DENND2B: variants seen among roughly 807,000 people sequenced by gnomAD.
DENND2B encodes DENN domain-containing protein 2B.
A neutral mutation model predicts 116.0 loss-of-function variants in DENND2B; 32 were observed. That is an observed-to-expected ratio of 0.28 (90% CI 0.21 to 0.37). The LOEUF is 0.37. DENND2B is among the 10% of genes least tolerant of loss of function. DENND2B has a pLI of 1.00. For synonymous variants in DENND2B, 588 were observed against 583.9 expected, an observed-to-expected ratio of 1.01 and a Z score of -0.10; for missense variants, 1,276 against 1,477.7, an observed-to-expected ratio of 0.86 and a Z score of 2.24.
chr11:8,722,155 C>A (rs2046298898), intron 4 of DENND2B, among the ~76,000 whole-genome samples: 1 of 152,214 alleles, frequency 6.6e-6, no homozygotes, highest in Non-Finnish European at 1.5e-5. Flanking sequence ...GCAAGGTAAA[C>A]CTCAGTATGT....
At chr11:8,752,961 G>A (rs1010160442) in intron 1 of DENND2B, among the ~76,000 whole-genome samples, 1 of 152,208 alleles carries the variant, frequency 6.6e-6, no homozygotes, top group Non-Finnish European at 1.5e-5. Flanking sequence ...TTTGGGCCAG[G>A]TGTGGTGGCT....
At chr11:8,842,430 T>C (rs1236195300) in intron 3 of DENND2B, among the ~76,000 whole-genome samples, 1 of 152,182 alleles carries the variant, frequency 6.6e-6, no homozygotes, top group Non-Finnish European at 1.5e-5. Context: ...TCTGGAGTTA[T>C]GAATTATTAG....
Position 8,730,437 on chromosome 11 carries a change from T to G in DENND2B, c.853A>C (p.Ile285Leu). The G allele has an allele frequency of 6.2e-7, 1 of 1,609,714 alleles. No individual in the cohort carries two copies. The highest frequency in any genetic ancestry group is 8.5e-7 in the Non-Finnish European group (1 of 1,179,990). Residue 285 changes from isoleucine (I) to leucine (L), a missense_variant, in exon 3 of 20, where the codon ATC (isoleucine) becomes CTC (leucine). Ile to Leu is a conservative substitution (Grantham distance 5). Around this residue, in one of 2 missense-constraint regions of DENND2B, gnomAD observed 856 missense variants for 846.6 expected, o/e 1.01. Transcript: ENST00000313726. This position sits in a 1 kb window ranked among gnomAD's most constrained non-coding sequence, Gnocchi z 4.1. ...TTCAGGACCTGTTCAATTTTCTGGA[T>G]CCGGCTCAGCACTGCTGAGCTCTCC... is the stretch of plus-strand genomic sequence containing the variant. ...RKESSAVLSRIQKIEQVLKEQ... is the reference protein window; with the variant it reads ...RKESSAVLSRLQKIEQVLKEQ...
upstream of DENND2B, among the ~76,000 whole-genome samples, chr11:8,876,294 C>T (rs1185558312): frequency 6.6e-6 from 1 of 152,016 alleles, no homozygotes; most frequent in East Asian, 1.9e-4. Context: ...TCAAGTATTA[C>T]TGAGGTTTTA....
chr11:8,825,019 T>C (rs2061924585), intron 4 of DENND2B, among the ~76,000 whole-genome samples: 1 of 152,206 alleles, frequency 6.6e-6, no homozygotes, highest in South Asian at 2.1e-4. Flanking sequence ...AAATCATTTA[T>C]ATTCCTTTGG....
At chr11:8,762,137 A>T (rs1294912047) in intron 1 of DENND2B, among the ~76,000 whole-genome samples, 1 of 152,168 alleles carries the variant, frequency 6.6e-6, no homozygotes, top group Non-Finnish European at 1.5e-5. Context: ...AAACTCTCAA[A>T]ACCATAGCTC....
intron 1 of DENND2B, among the ~76,000 whole-genome samples, chr11:8,898,547 A>G (rs2064129203): frequency 6.6e-6 from 1 of 152,216 alleles, no homozygotes; most frequent in African/African-American, 2.4e-5. Context: ...AGGGATGGAA[A>G]TCAGAATCTG....
At chr11:8,876,890 A>AAAAG (rs1227722374) in intron 2 of DENND2B, among the ~76,000 whole-genome samples, 1 of 151,482 alleles carries the variant, frequency 6.6e-6, no homozygotes, top group Non-Finnish European at 1.5e-5. Context: ...AAAAAAAAAA[A>AAAAG]AAAGAAAGAA....
At chr11:8,810,140 A>G (rs2061264733) in intron 1 of DENND2B, 1 of 152,004 alleles carries the variant, frequency 6.6e-6, no homozygotes, top group Admixed American at 6.6e-5. Context: ...AAGCGGCTCA[A>G]AAGGCACTGG....
At chr11:8,797,271 C>T (rs1461009780) in intron 1 of DENND2B, among the ~76,000 whole-genome samples, 2 of 152,162 alleles carry the variant, frequency 1.3e-5, no homozygotes, top group Non-Finnish European at 2.9e-5. Flanking sequence ...GTAAACATTA[C>T]ACTAATGTCT....
chr11:8,866,945 G>A lies in DENND2B; in HGVS notation c.-250+4009C>T, dbSNP rs2063601312. On this transcript the variant is annotated intron_variant, in intron 2 of 6. Coordinates refer to the DENND2B transcript ENST00000524757. The stretch of plus-strand genomic sequence containing the variant: ...GGCTCTTAAAGGTAAAAATGGGTGT[G>A]GAGAACCGAGATCATATTTTGATTT... 2.6e-5 allele frequency among the ~76,000 whole-genome samples: 4 copies of A among 152,234 alleles called. No homozygotes were observed. The South Asian group carries it at 8.3e-4, about 32-fold the overall frequency.
At chr11:8,814,761 T>A (rs925347676), upstream of DENND2B, among the ~76,000 whole-genome samples, 1 of 152,238 alleles carries the variant, frequency 6.6e-6, no homozygotes, top group Non-Finnish European at 1.5e-5. Context: ...TCCCTGCACT[T>A]TGTGCAGGGC....
chr11:8,747,812 C>G lies in DENND2B; in HGVS notation c.80+2809G>C, dbSNP rs75410285. Among the ~76,000 whole-genome samples, 740 of 152,268 alleles carry G rather than the reference C, an allele frequency of 4.9e-3. 1 individual carries two copies. The highest frequency in any genetic ancestry group is 8.5e-3 in the Non-Finnish European group (579 of 67,996). ...TTAGATTTTCCCCTCCTACACATTC[C>G]TGCCAAATCAAGACTAAGCTGCAAA... On this transcript the variant is annotated intron_variant, in intron 2 of 19. Transcript: ENST00000313726.
intron 4 of DENND2B, among the ~76,000 whole-genome samples, chr11:8,822,909 A>AGAATATAT (rs1304918541): frequency 1.3e-4 from 20 of 152,246 alleles, no homozygotes; most frequent in African/African-American, 4.6e-4. Context: ...ACTCCAGAAA[A>AGAATATAT]GAATATATAA....
At chr11:8,726,238 C>A in intron 3 of DENND2B, 29 bp from the exon 4 acceptor site, 1 of 1,585,700 alleles carries the variant, frequency 6.3e-7, no homozygotes, top group Non-Finnish European at 8.6e-7. Context: ...AGAGTCATTC[C>A]TGCTGAATCA....
In DENND2B at chr11:8,838,284, GAA is replaced by G. The variant is rs2062505543; in HGVS notation, c.-115+1024_-115+1025del. 3.3e-5 allele frequency among the ~76,000 whole-genome samples: 5 copies of G among 152,054 alleles called. No individual in the cohort carries two copies. The South Asian group carries it at 1.0e-3, about 32-fold the overall frequency. On this transcript the variant is annotated intron_variant, in intron 4 of 6. Coordinates refer to the DENND2B transcript ENST00000524757. ...CACAGAGTCCTGTCTTCTTCACCATGAAATAAGTTCCCCTCTAACAAAAGGAA... is the reference window on the plus strand; with the variant it reads ...CACAGAGTCCTGTCTTCTTCACCATGATAAGTTCCCCTCTAACAAAAGGAA...
chr11:8,891,296 G>A (rs185587457), intron 1 of DENND2B, among the ~76,000 whole-genome samples: 1 of 152,332 alleles, frequency 6.6e-6, no homozygotes, highest in African/African-American at 2.4e-5. Flanking sequence ...ATGCCAAATT[G>A]TAAAGACCAT....
intron 1 of DENND2B, among the ~76,000 whole-genome samples, chr11:8,800,556 T>C (rs1342285885): frequency 1.3e-5 from 2 of 152,194 alleles, no homozygotes; most frequent in East Asian, 1.9e-4. Flanking sequence ...TAACCTTACA[T>C]TGTAAACACC....
At chr11:8,864,705 C>A (rs942982325) in intron 2 of DENND2B, among the ~76,000 whole-genome samples, 8 of 152,156 alleles carry the variant, frequency 5.3e-5, no homozygotes, top group Non-Finnish European at 1.0e-4. Flanking sequence ...AGGAGATATT[C>A]AAAAACTATA....
Sources: gnomAD v4.1 joint callset for allele counts (sites outside exome capture counted in the v4.1 genomes callset) on GRCh38, gnomAD v4.1.1 for gene constraint, gnomAD v4.1.1 regional missense constraint, Gnocchi (gnomAD v3.1) non-coding constraint, MANE v1.5 for transcripts, NCBI Gene and HGNC (gene_info 2026-07-23, HGNC 2026-07-21) for gene names.